Variants in REDIC1 observed in about 807,000 individuals in gnomAD.
REDIC1 encodes regulator of DNA class I crossover intermediates 1.
At chr12:39,895,013 G>C in the REDIC1 span, among the ~76,000 whole-genome samples, 3 of 152,160 alleles carry the variant, frequency 2.0e-5, no homozygotes, top group South Asian at 4.1e-4. Flanking sequence ...CAAGGGAAGA[G>C]ATAGAATCAT....
chr12:39,638,087 A>G, the REDIC1 span, among the ~76,000 whole-genome samples: 1 of 152,100 alleles, frequency 6.6e-6, no homozygotes, highest in South Asian at 2.1e-4. Context: ...TAGAAGCCGA[A>G]AAAACAAACA....
chr12:39,711,517 ATGTGTATATG>A, the REDIC1 span, among the ~76,000 whole-genome samples: 2 of 138,358 alleles, frequency 1.4e-5, no homozygotes, highest in Non-Finnish European at 3.1e-5. Context: ...ATGTGTATAT[ATGTGTATATG>A]TGTATATACA....
chr12:39,708,476 G>A, the REDIC1 span, among the ~76,000 whole-genome samples: 1 of 151,486 alleles, frequency 6.6e-6, no homozygotes, highest in East Asian at 1.9e-4. Context: ...TTATTTCTGG[G>A]TTTAGACTCT....
the REDIC1 span, chr12:39,683,430 A>G: frequency 1.9e-6 from 3 of 1,598,590 alleles, no homozygotes; most frequent in African/African-American, 2.7e-5. Flanking sequence ...TTTGAAAATG[A>G]TTACCAAGAG....
chr12:39,651,442 G>T, the REDIC1 span, among the ~76,000 whole-genome samples: 7 of 152,116 alleles, frequency 4.6e-5, no homozygotes, highest in Non-Finnish European at 1.0e-4. Flanking sequence ...GAGAAACCTT[G>T]ACTCTGTCAT....
the REDIC1 span, among the ~76,000 whole-genome samples, chr12:39,708,502 T>G: frequency 6.6e-6 from 1 of 151,832 alleles, no homozygotes; most frequent in African/African-American, 2.4e-5. Flanking sequence ...CTCTTCACAC[T>G]TCCAAGTTAC....
At chr12:39,760,406 A>C in the REDIC1 span, among the ~76,000 whole-genome samples, 7 of 151,944 alleles carry the variant, frequency 4.6e-5, 1 homozygote, top group Non-Finnish European at 8.8e-5. Flanking sequence ...GGTTTACTCC[A>C]ATTGTTCCAA....
chr12:39,653,492 GTCTTCTTCT>G, the REDIC1 span, among the ~76,000 whole-genome samples: 1,304 of 54,402 alleles, frequency 0.024, 126 homozygotes, highest in African/African-American at 0.041. Flanking sequence ...CAATCTGGAT[GTCTTCTTCT>G]TCTTCTTCTT....
At chr12:39,684,061 C>G in the REDIC1 span, 5,879 of 787,338 alleles carry the variant, frequency 7.5e-3, 28 homozygotes, top group Non-Finnish European at 8.3e-3. Flanking sequence ...ATTACAATCT[C>G]CTCTACCCAT....
the REDIC1 span, among the ~76,000 whole-genome samples, chr12:39,630,834 C>G: frequency 6.6e-6 from 1 of 152,134 alleles, no homozygotes; most frequent in Non-Finnish European, 1.5e-5. Flanking sequence ...AAAATTTATT[C>G]TTCGTCTGTT....
the REDIC1 span, among the ~76,000 whole-genome samples, chr12:39,813,920 AC>A: frequency 3.3e-5 from 5 of 152,258 alleles, no homozygotes; most frequent in Non-Finnish European, 5.9e-5. Context: ...TCTGAAGCCT[AC>A]ACAGTCACAT....
the REDIC1 span, among the ~76,000 whole-genome samples, chr12:39,676,205 A>G: frequency 6.6e-6 from 1 of 152,068 alleles, no homozygotes; most frequent in African/African-American, 2.4e-5. Flanking sequence ...AAAAAAAAAA[A>G]CCAGATATGG....
At chr12:39,863,247 A>G in the REDIC1 span, among the ~76,000 whole-genome samples, 1 of 152,164 alleles carries the variant, frequency 6.6e-6, no homozygotes, top group African/African-American at 2.4e-5. Flanking sequence ...CAGACTGATG[A>G]TCATAAACTG....
chr12:39,798,679 A>G, the REDIC1 span, among the ~76,000 whole-genome samples: 3 of 152,060 alleles, frequency 2.0e-5, no homozygotes, highest in Non-Finnish European at 4.4e-5. Context: ...GTGCTGAAAG[A>G]CTCGTGAGAC....
At chr12:39,726,395 G>A in the REDIC1 span, among the ~76,000 whole-genome samples, 4 of 152,080 alleles carry the variant, frequency 2.6e-5, no homozygotes, top group East Asian at 3.9e-4. Flanking sequence ...TCCCACTTAC[G>A]AGTGAGAACA....
chr12:39,759,988 A>C, the REDIC1 span: 3 of 1,519,348 alleles, frequency 2.0e-6, no homozygotes, highest in South Asian at 2.3e-5. Flanking sequence ...TTCTCCCCCC[A>C]GTTTGTTTAA....
At chr12:39,647,023 G>A in the REDIC1 span, 106 of 555,244 alleles carry the variant, frequency 1.9e-4, no homozygotes, top group African/African-American at 1.5e-3. Flanking sequence ...AAGCTTTCCA[G>A]GTGAGAAATC....
At chr12:39,821,143 G>A in the REDIC1 span, among the ~76,000 whole-genome samples, 1 of 152,034 alleles carries the variant, frequency 6.6e-6, no homozygotes, top group African/African-American at 2.4e-5. Context: ...ATTTTTCGCA[G>A]TGGCTCACGC....
the REDIC1 span, chr12:39,721,189 A>G: frequency 6.2e-7 from 1 of 1,613,624 alleles, no homozygotes; most frequent in Non-Finnish European, 8.5e-7. Context: ...CAACCTTGAA[A>G]GGTGCAGTGG....
Sources: gnomAD v4.1 joint callset for allele counts (sites outside exome capture counted in the v4.1 genomes callset) on GRCh38, gnomAD v4.1.1 for gene constraint, MANE v1.5 for transcripts, NCBI Gene and HGNC (gene_info 2026-07-23, HGNC 2026-07-21) for gene names.